TP63: variants seen among roughly 807,000 people sequenced by gnomAD.
TP63 encodes the protein tumor protein p63.
TP63 carries 17 observed loss-of-function variants against 82.8 expected under a neutral mutation model. That is an observed-to-expected ratio of 0.21 (90% CI 0.14 to 0.31). The LOEUF (loss-of-function observed/expected upper bound fraction) is 0.31. Ranked by LOEUF, TP63 falls within the 10% of genes least tolerant of loss-of-function variation. The pLI is 1.00. For synonymous variants in TP63, 330 were observed against 321.7 expected, an observed-to-expected ratio of 1.03 and a Z score of -0.28; for missense variants, 648 against 895.3, an observed-to-expected ratio of 0.72 and a Z score of 3.52.
chr3:189,835,440 G>A (rs1712993107), intron 4 of TP63, among the ~76,000 whole-genome samples: 1 of 152,102 alleles, frequency 6.6e-6, no homozygotes, highest in Non-Finnish European at 1.5e-5. Flanking sequence ...CTGGTGCCCA[G>A]TAAAATCAAA....
At chr3:189,606,813 C>T in the TP63 span, among the ~76,000 whole-genome samples, 1 of 151,984 alleles carries the variant, frequency 6.6e-6, no homozygotes, top group Non-Finnish European at 1.5e-5. Context: ...GACGGGCCAA[C>T]CCCGCAATGA....
intron 3 of TP63, among the ~76,000 whole-genome samples, chr3:189,766,031 A>G (rs1213667156): frequency 2.6e-5 from 4 of 152,120 alleles, no homozygotes; most frequent in Non-Finnish European, 5.9e-5. Context: ...GCACATCTAA[A>G]TAGGTTTTTA....
Position 189,866,596 on chromosome 3 carries a change from A to G in TP63, c.767-86A>G, listed in dbSNP as rs540951039. 4.4e-5 allele frequency: 54 copies of G among 1,240,566 alleles called. No individual in the cohort carries two copies. The Admixed American group carries it at 8.0e-4, about 18-fold the overall frequency. 76.8% of individuals were successfully genotyped at this position (1,240,566 alleles called of 1,614,324 possible). ...TATTATACAGACTATTTCTTTTGCC[A>G]CCAACATCCTGTTCATGCAATTTCA... On this transcript the variant is annotated intron_variant, in intron 5 of 13. Transcript: ENST00000264731.
At chr3:189,832,967 G>A (rs1285231872) in intron 4 of TP63, among the ~76,000 whole-genome samples, 2 of 152,128 alleles carry the variant, frequency 1.3e-5, no homozygotes, top group African/African-American at 4.8e-5. Flanking sequence ...ATTTTTGCCT[G>A]TCCAAATTTA....
At chr3:189,779,885 A>G (rs559009847) in intron 3 of TP63, among the ~76,000 whole-genome samples, 1 of 152,234 alleles carries the variant, frequency 6.6e-6, no homozygotes, top group South Asian at 2.1e-4. Context: ...TCCAAGCTGC[A>G]GGAAATATAG....
At chr3:189,873,253 T>C in intron 10 of TP63, 1 of 556,696 alleles carries the variant, frequency 1.8e-6, no homozygotes, top group Non-Finnish European at 3.2e-6. Context: ...AAACTCACAC[T>C]AACAGTTCTC....
chr3:189,629,656 C>G (rs1460733931), upstream of TP63, among the ~76,000 whole-genome samples: 1 of 152,126 alleles, frequency 6.6e-6, no homozygotes, highest in Non-Finnish European at 1.5e-5. Flanking sequence ...AATGCAGAGT[C>G]TTAGGCCTCA....
chr3:189,885,140 C>T (rs749391895), intron 10 of TP63, among the ~76,000 whole-genome samples: 4 of 152,130 alleles, frequency 2.6e-5, no homozygotes, highest in Non-Finnish European at 2.9e-5. Context: ...CAACATAATT[C>T]GCTTTGTTTG....
At chr3:189,669,523 T>C (rs1409330720) in intron 1 of TP63, among the ~76,000 whole-genome samples, 1 of 152,030 alleles carries the variant, frequency 6.6e-6, no homozygotes, top group African/African-American at 2.4e-5. Context: ...GAAACAACTG[T>C]TTGTATGAAG....
intron 4 of TP63, among the ~76,000 whole-genome samples, chr3:189,812,828 T>A (rs1305571455): frequency 6.6e-6 from 1 of 152,226 alleles, no homozygotes. Context: ...TACCTTTAGT[T>A]GTACTAAAGG....
At chr3:189,639,275 T>C (rs1327703700) in intron 1 of TP63, among the ~76,000 whole-genome samples, 1 of 152,116 alleles carries the variant, frequency 6.6e-6, no homozygotes, top group African/African-American at 2.4e-5. Flanking sequence ...TCCATTAAAA[T>C]AGAATGAGAA....
intron 3 of TP63, among the ~76,000 whole-genome samples, chr3:189,743,584 T>C (rs893738260): frequency 6.6e-6 from 1 of 152,102 alleles, no homozygotes; most frequent in Non-Finnish European, 1.5e-5. Context: ...ACTAAAATGG[T>C]AAGTCCAGGT....
At chr3:189,875,611 T>TATATATATATATATATACAC (rs1553859679) in intron 10 of TP63, among the ~76,000 whole-genome samples, 4 of 77,040 alleles carry the variant, frequency 5.2e-5, no homozygotes, top group Admixed American at 1.3e-4. Flanking sequence ...TATATATATA[T>TATATATATATATATATACAC]ATATATATAT....
At chr3:189,640,063 T>C (rs1053981800) in intron 1 of TP63, among the ~76,000 whole-genome samples, 16 of 152,138 alleles carry the variant, frequency 1.1e-4, no homozygotes, top group African/African-American at 3.9e-4. Context: ...AAGAAACTTC[T>C]GTCTTTGCAC....
chr3:189,859,520 A>G (rs924614426), intron 4 of TP63, among the ~76,000 whole-genome samples: 1 of 152,238 alleles, frequency 6.6e-6, no homozygotes, highest in Non-Finnish European at 1.5e-5. Context: ...ATCTGCATAC[A>G]TACCAGAATG....
At chr3:189,697,043 C>G (rs1046217273) in intron 1 of TP63, among the ~76,000 whole-genome samples, 11 of 151,888 alleles carry the variant, frequency 7.2e-5, no homozygotes, top group Non-Finnish European at 1.5e-4. Flanking sequence ...TTAGTAAAGT[C>G]TAAGTTACCA....
intron 1 of TP63, among the ~76,000 whole-genome samples, chr3:189,678,158 A>G (rs1577224502): frequency 2.0e-5 from 3 of 152,148 alleles, no homozygotes; most frequent in South Asian, 4.1e-4. Flanking sequence ...TTAGTCATAA[A>G]TTATTTGTCA....
chr3:189,735,793 T>A (rs1305430814), intron 1 of TP63, among the ~76,000 whole-genome samples: 3 of 152,158 alleles, frequency 2.0e-5, no homozygotes, highest in Non-Finnish European at 4.4e-5. Context: ...ACTGTGGTGA[T>A]AGATACACTA....
chr3:189,834,843 AT>A (rs1712885335), intron 4 of TP63, among the ~76,000 whole-genome samples: 1 of 146,834 alleles, frequency 6.8e-6, no homozygotes, highest in Admixed American at 6.8e-5. Flanking sequence ...ATGTTTTGAT[AT>A]TTTGTTGAAA....
Sources: gnomAD v4.1 joint callset for allele counts (sites outside exome capture counted in the v4.1 genomes callset) on GRCh38, gnomAD v4.1.1 for gene constraint, MANE v1.5 for transcripts, NCBI Gene and HGNC (gene_info 2026-07-23, HGNC 2026-07-21) for gene names.